AR: variants seen among roughly 807,000 people sequenced by gnomAD.
The protein encoded by AR is androgen receptor, also known as dihydrotestosterone receptor.
Under a neutral mutation model 53.9 loss-of-function variants are expected in AR, and 8 were observed. That is an observed-to-expected ratio of 0.15 (90% confidence interval 0.09 to 0.27). AR has a LOEUF of 0.27. Ranked by LOEUF, AR falls within the 10% of genes least tolerant of loss-of-function variation. AR has a pLI of 1.00. For missense variants in AR, 639 were observed against 742.5 expected (o/e 0.86, Z 1.62); for synonymous variants, 359 against 316.4 (o/e 1.13, Z -1.43).
chrX:67,556,215 C>T (rs1280327506), intron 1 of AR, among the ~76,000 whole-genome samples: 1 of 111,760 alleles, frequency 8.9e-6, no homozygotes, highest in Non-Finnish European at 1.9e-5. Flanking sequence ...GGTTAAGTTA[C>T]ATGTTTACAA....
chrX:67,705,460 G>A (rs2076062378), intron 3 of AR, among the ~76,000 whole-genome samples: 1 of 111,402 alleles, frequency 9.0e-6, no homozygotes, highest in Non-Finnish European at 1.9e-5. Context: ...TGTTATTGGT[G>A]TATAAGAATG....
chrX:67,624,750 T>C (rs920378840), intron 1 of AR, among the ~76,000 whole-genome samples: 2 of 108,795 alleles, frequency 1.8e-5, no homozygotes, highest in East Asian at 2.9e-4. Flanking sequence ...TTCTTAACTT[T>C]GTAATGGACA....
intron 1 of AR, among the ~76,000 whole-genome samples, chrX:67,609,663 C>T (rs992729084): frequency 2.2e-4 from 24 of 110,099 alleles, no homozygotes; most frequent in African/African-American, 7.9e-4. Context: ...GCACCTTTGC[C>T]CATTTATACT....
chrX:67,681,823 A>G (rs1208539405), intron 2 of AR, among the ~76,000 whole-genome samples: 1 of 112,165 alleles, frequency 8.9e-6, no homozygotes, highest in Non-Finnish European at 1.9e-5. Context: ...AAGTCTTTAA[A>G]AATTCTTTCC....
chrX:67,703,368 C>T (rs758111534), intron 3 of AR, among the ~76,000 whole-genome samples: 28 of 111,977 alleles, frequency 2.5e-4, no homozygotes, highest in Non-Finnish European at 3.8e-4. Context: ...AAGTAAGCAT[C>T]GGAATGCCTA....
In AR at chrX:67,546,585, C is replaced by T; in HGVS notation, c.1439C>T (p.Pro480Leu). The T allele has an allele frequency of 8.6e-7, 1 of 1,160,186 alleles. No individual in the cohort carries two copies. The highest frequency in any genetic ancestry group is 2.0e-5 in the South Asian group (1 of 51,070). The stretch of plus-strand genomic sequence containing the variant: ...GGCGGCGAGGCGGGAGCTGTAGCCC[C>T]CTACGGCTACACTCGGCCCCCTCAG... The part of the protein sequence containing the change: ...GGGGEAGAVA[P>L]YGYTRPPQGL... Residue 480 changes from proline to leucine, a missense_variant, in exon 1 of 8, where the codon CCC (proline) becomes CTC (leucine). Coordinates refer to ENST00000374690, the MANE Select transcript of AR (RefSeq NM_000044.6).
chrX:67,676,971 T>A (rs1301233284), intron 2 of AR, among the ~76,000 whole-genome samples: 1 of 110,756 alleles, frequency 9.0e-6, no homozygotes, highest in Non-Finnish European at 1.9e-5. Flanking sequence ...ATGCCCAAGC[T>A]GCCAAGGGTA....
rs1022961761 is a variant in AR, at chrX:67,678,563, A to C, written c.1769-7447A>C. Among the ~76,000 whole-genome samples, 5 of 111,766 alleles carry C rather than the reference A, an allele frequency of 4.5e-5. No homozygotes were observed. In the Admixed American group the frequency reaches 4.7e-4, roughly 11 times the overall value. ...ACTTTCATTTTAGGTTCAGGGGTTC[A>C]TGTGCATGTTTGATATATAGGTAAA... On this transcript the variant is annotated intron_variant, in intron 2 of 7. Transcript: ENST00000374690.
At chrX:67,718,823 G>A (rs758152311) in intron 5 of AR, among the ~76,000 whole-genome samples, 12 of 111,210 alleles carry the variant, frequency 1.1e-4, no homozygotes, top group African/African-American at 2.9e-4. Context: ...TGGTAGAGAC[G>A]GGATTTCACC....
intron 1 of AR, chrX:67,568,864 C>G: frequency 8.5e-7 from 1 of 1,179,683 alleles, no homozygotes; most frequent in Non-Finnish European, 1.1e-6. Context: ...AGGGATTCCT[C>G]GGAGGTCATC....
intron 1 of AR, among the ~76,000 whole-genome samples, chrX:67,571,270 CTTG>C (rs1472214369): frequency 1.8e-5 from 2 of 112,061 alleles, no homozygotes; most frequent in Non-Finnish European, 3.8e-5. Context: ...TTAAAGACAG[CTTG>C]TTAAGTGTCA....
intron 2 of AR, among the ~76,000 whole-genome samples, chrX:67,647,495 C>A (rs868538839): frequency 2.2e-4 from 25 of 111,734 alleles, no homozygotes; most frequent in Non-Finnish European, 4.1e-4. Flanking sequence ...ATATCAGTGT[C>A]CCCTTCACTC....
intron 1 of AR, among the ~76,000 whole-genome samples, chrX:67,562,254 G>A (rs921700108): frequency 1.8e-5 from 2 of 109,945 alleles, no homozygotes; most frequent in African/African-American, 6.6e-5. Flanking sequence ...GTGAATCAAT[G>A]TGCCCAGCCT....
At chrX:67,579,388 G>A (rs1180831620) in intron 1 of AR, among the ~76,000 whole-genome samples, 2 of 111,084 alleles carry the variant, frequency 1.8e-5, no homozygotes, top group African/African-American at 3.3e-5. Flanking sequence ...CACTTTCGGG[G>A]CTGGTAGACT....
chrX:67,708,177 G>C (rs1214763825), intron 3 of AR, among the ~76,000 whole-genome samples: 1 of 111,627 alleles, frequency 9.0e-6, no homozygotes. Context: ...TCCTGAATGT[G>C]AATGTTGGCC....
intron 2 of AR, among the ~76,000 whole-genome samples, chrX:67,669,271 T>C (rs1048547287): frequency 8.9e-6 from 1 of 111,748 alleles, no homozygotes; most frequent in African/African-American, 3.2e-5. Flanking sequence ...TTTCAATAAA[T>C]TTTTAAATTT....
intron 3 of AR, among the ~76,000 whole-genome samples, chrX:67,709,408 C>T (rs766460801): frequency 8.9e-5 from 10 of 112,281 alleles, no homozygotes; most frequent in Non-Finnish European, 1.7e-4. Flanking sequence ...TAGCAGTGAG[C>T]GATGCTCCAT....
intron 3 of AR, among the ~76,000 whole-genome samples, chrX:67,706,859 A>G (rs181073738): frequency 8.9e-6 from 1 of 111,865 alleles, no homozygotes; most frequent in Admixed American, 9.5e-5. Flanking sequence ...CTTTGTTCTC[A>G]TTGGTTTCAA....
At chrX:67,649,705 C>T (rs1926242050) in intron 2 of AR, among the ~76,000 whole-genome samples, 1 of 111,847 alleles carries the variant, frequency 8.9e-6, no homozygotes, top group African/African-American at 3.3e-5. Flanking sequence ...TATCCTTCAC[C>T]CACTTTCTGG....
Sources: allele counts gnomAD v4.1 joint callset (sites outside exome capture counted in the v4.1 genomes callset), GRCh38; gene constraint gnomAD v4.1.1; transcripts MANE v1.5; gene names NCBI Gene and HGNC (gene_info 2026-07-23, HGNC 2026-07-21).